The following PDE1A variants were observed in gnomAD, a reference collection of about 807,000 sequenced individuals.
PDE1A encodes the protein phosphodiesterase 1A, also known as dual specificity calcium/calmodulin-dependent 3',5'-cyclic nucleotide phosphodiesterase 1A.
A neutral mutation model predicts 61.7 loss-of-function variants in PDE1A; 35 were observed. The ratio of observed to expected loss-of-function variants is 0.57; its 90% CI spans 0.43 to 0.75. PDE1A has a LOEUF of 0.75. Among genes scored for constraint, PDE1A ranks in the 30% least tolerant of loss-of-function variants. PDE1A has a pLI of 0.00. For missense variants in PDE1A, 597 were observed against 630.6 expected (o/e 0.95, Z 0.57); for synonymous variants, 232 against 213.2 (o/e 1.09, Z -0.77).
At chr2:182,310,742 C>G (rs1441350095) in intron 1 of PDE1A, among the ~76,000 whole-genome samples, 1 of 152,178 alleles carries the variant, frequency 6.6e-6, no homozygotes, top group African/African-American at 2.4e-5. Context: ...ATCTCACTTT[C>G]ACGTTGCCAT....
intron 1 of PDE1A, among the ~76,000 whole-genome samples, chr2:182,360,891 T>C (rs1242300146): frequency 2.0e-5 from 3 of 152,044 alleles, no homozygotes; most frequent in Non-Finnish European, 2.9e-5. Context: ...GTTATGTCTA[T>C]TGGACAAATC....
intron 2 of PDE1A, among the ~76,000 whole-genome samples, chr2:182,243,495 GTGGC>G (rs1690717893): frequency 6.6e-6 from 1 of 152,204 alleles, no homozygotes; most frequent in Admixed American, 6.5e-5. Context: ...GAGGCCAAAT[GTGGC>G]TGGAGTATAC....
chr2:182,444,427 C>G (rs1358589087), intron 2 of PDE1A, among the ~76,000 whole-genome samples: 2 of 152,094 alleles, frequency 1.3e-5, no homozygotes, highest in East Asian at 3.9e-4. Flanking sequence ...TAATCATTAA[C>G]TGTAACTTTC....
chr2:182,544,117 C>T, the PDE1A span, among the ~76,000 whole-genome samples: 1 of 152,172 alleles, frequency 6.6e-6, no homozygotes, highest in Non-Finnish European at 1.5e-5. Flanking sequence ...AAATAAGTGA[C>T]CTGGTTCAAG....
At chr2:182,438,363 C>T (rs1243300974) in intron 2 of PDE1A, among the ~76,000 whole-genome samples, 1 of 151,922 alleles carries the variant, frequency 6.6e-6, no homozygotes. Flanking sequence ...CTATGTTGGT[C>T]TCCAATGGGG....
chr2:182,248,582 C>A (rs953922562), intron 2 of PDE1A, among the ~76,000 whole-genome samples: 1 of 139,458 alleles, frequency 7.2e-6, no homozygotes, highest in African/African-American at 3.4e-5. Flanking sequence ...ATATTTTGAA[C>A]TAAAAAGTTT....
At position 182,180,834 on chromosome 2, in the gene PDE1A, A is replaced by G. The variant is rs1020626956; in HGVS notation, c.1516+5058T>C. 4.1e-4 allele frequency among the ~76,000 whole-genome samples: 62 copies of G among 151,404 alleles called. 2 individuals carry two copies. The highest frequency in any genetic ancestry group is 1.5e-4 in the Non-Finnish European group (10 of 67,924). On this transcript the variant is annotated intron_variant, in intron 13 of 13. Transcript: ENST00000351439. ...TGTCTGCATGCCTTATTTCAGCAAG[A>G]TGGTCTTCAAATTCTGATATCCTTT...
chr2:182,660,285 G>T, the PDE1A span, among the ~76,000 whole-genome samples: 1 of 152,174 alleles, frequency 6.6e-6, no homozygotes, highest in Admixed American at 6.5e-5. Context: ...TTAAGATGAT[G>T]CCATGAAACA....
chr2:182,425,879 A>C (rs1160929416), intron 1 of PDE1A, among the ~76,000 whole-genome samples: 3 of 152,186 alleles, frequency 2.0e-5, no homozygotes, highest in Non-Finnish European at 4.4e-5. Context: ...CTTTTAAATT[A>C]TTTTTTATTT....
chr2:182,386,353 A>T (rs1015318609), intron 1 of PDE1A, among the ~76,000 whole-genome samples: 5 of 148,526 alleles, frequency 3.4e-5, no homozygotes, highest in Admixed American at 6.7e-5. Context: ...CCAGTCTGGG[A>T]AGTGAGGAGC....
At chr2:182,398,666 CA>C (rs1559419264) in intron 1 of PDE1A, among the ~76,000 whole-genome samples, 1 of 151,976 alleles carries the variant, frequency 6.6e-6, no homozygotes, top group East Asian at 1.9e-4. Flanking sequence ...GTACTGACCA[CA>C]AGTGACTACT....
chr2:182,370,421 G>A (rs1700068498), intron 1 of PDE1A, among the ~76,000 whole-genome samples: 1 of 152,114 alleles, frequency 6.6e-6, no homozygotes. Context: ...CAGTTGGTGA[G>A]AGAATGTGAG....
At chr2:182,523,408 G>A (rs748215830), upstream of PDE1A, among the ~76,000 whole-genome samples, 1 of 152,118 alleles carries the variant, frequency 6.6e-6, no homozygotes, top group East Asian at 1.9e-4. Flanking sequence ...GAACTGAGTC[G>A]TCTGCCAAGC....
chr2:182,280,763 T>A (rs928939897), intron 1 of PDE1A, among the ~76,000 whole-genome samples: 1 of 151,456 alleles, frequency 6.6e-6, no homozygotes, highest in African/African-American at 2.4e-5. Context: ...TTTTAGGGGG[T>A]TTCAAGCTGG....
At chr2:182,459,396 T>C (rs1686130278) in intron 2 of PDE1A, among the ~76,000 whole-genome samples, 1 of 152,160 alleles carries the variant, frequency 6.6e-6, no homozygotes, top group African/African-American at 2.4e-5. Flanking sequence ...TTTCCTTCAA[T>C]TCTAACAGCA....
the PDE1A span, among the ~76,000 whole-genome samples, chr2:182,678,463 A>C: frequency 1.3e-5 from 2 of 152,122 alleles, no homozygotes; most frequent in African/African-American, 2.4e-5. Flanking sequence ...GAAACTATTT[A>C]GGGCCTGTGA....
At chr2:182,173,280 G>A (rs1223028178) in intron 13 of PDE1A, among the ~76,000 whole-genome samples, 2 of 152,000 alleles carry the variant, frequency 1.3e-5, no homozygotes, top group Non-Finnish European at 2.9e-5. Context: ...GGCTGCCCAG[G>A]TTGAAAACTT....
At chr2:182,643,089 A>C in the PDE1A span, among the ~76,000 whole-genome samples, 1 of 152,176 alleles carries the variant, frequency 6.6e-6, no homozygotes, top group Non-Finnish European at 1.5e-5. Flanking sequence ...CAGGTGAGGC[A>C]GCCTTAACCT....
intron 13 of PDE1A, among the ~76,000 whole-genome samples, chr2:182,183,029 A>G (rs1684898610): frequency 6.6e-6 from 1 of 152,194 alleles, no homozygotes; most frequent in South Asian, 2.1e-4. Flanking sequence ...GTTTCTATAT[A>G]GTAGCCCTAT....
Sources: gnomAD v4.1 joint callset for allele counts (sites outside exome capture counted in the v4.1 genomes callset) on GRCh38, gnomAD v4.1.1 for gene constraint, MANE v1.5 for transcripts, NCBI Gene and HGNC (gene_info 2026-07-23, HGNC 2026-07-21) for gene names.